Variants in CD86 observed in about 807,000 individuals in gnomAD.
CD86 encodes CD86 molecule.
CD86 carries 11 observed loss-of-function variants against 32.1 expected under a neutral mutation model. That is an observed-to-expected ratio of 0.34 (90% confidence interval 0.22 to 0.57). CD86 has a LOEUF of 0.57. CD86 is among the 20% of genes least tolerant of loss of function. The probability of loss-of-function intolerance (pLI) is 0.86; values close to 1 mark genes in which losing one functional copy is unlikely to be tolerated. For missense variants in CD86, 359 were observed against 398.4 expected, an observed-to-expected ratio of 0.90 and a Z score of 0.84; for synonymous variants, 137 against 135.3, an observed-to-expected ratio of 1.01 and a Z score of -0.09.
At chr3:122,068,478 T>C (rs759663063) in intron 1 of CD86, among the ~76,000 whole-genome samples, 1 of 152,226 alleles carries the variant, frequency 6.6e-6, no homozygotes, top group African/African-American at 2.4e-5. Flanking sequence ...AAATGACAGT[T>C]TCTCAGAATA....
At chr3:122,110,432 G>C (rs111598979) in intron 5 of CD86, among the ~76,000 whole-genome samples, 8,789 of 152,278 alleles carry the variant, frequency 0.058, 309 homozygotes, top group South Asian at 0.09. Context: ...TAATTAGTTT[G>C]ATTGGTGCTA....
intron 1 of CD86, among the ~76,000 whole-genome samples, chr3:122,080,870 A>G (rs1401154583): frequency 2.6e-5 from 4 of 152,176 alleles, no homozygotes; most frequent in Non-Finnish European, 4.4e-5. Flanking sequence ...GACACCAAGA[A>G]GTGTTCATGT....
At chr3:122,114,990 T>C (rs1011146084) in intron 5 of CD86, among the ~76,000 whole-genome samples, 2 of 152,246 alleles carry the variant, frequency 1.3e-5, no homozygotes, top group Admixed American at 1.3e-4. Flanking sequence ...TCTCTACTTT[T>C]GTTCCACATT....
intron 1 of CD86, among the ~76,000 whole-genome samples, chr3:122,058,625 T>G (rs1281641639): frequency 6.6e-6 from 1 of 151,046 alleles, no homozygotes; most frequent in Admixed American, 6.6e-5. Flanking sequence ...TAATGGGGAG[T>G]AATAATAGAG....
intron 1 of CD86, among the ~76,000 whole-genome samples, chr3:122,064,635 T>C (rs1381500639): frequency 2.6e-5 from 4 of 152,182 alleles, no homozygotes; most frequent in Non-Finnish European, 4.4e-5. Context: ...CCAAGTCTTA[T>C]ATTTCAAGAG....
Position 122,088,580 on chromosome 3 carries a change from A to AGAGTATGG in CD86, c.15-3018_15-3011dup, listed in dbSNP as rs2072763033. On this transcript the variant is annotated intron_variant, in intron 1 of 6. Coordinates refer to ENST00000330540, the MANE Select transcript of CD86 (RefSeq NM_175862.5). ...GCCAAAGCTGACACCACACAAGCGC[A>AGAGTATGG]GAGTATGGGAACAGAGTTCTCTGTC... Among the ~76,000 whole-genome samples the AGAGTATGG allele has an allele frequency of 2.0e-5, 3 of 152,302 alleles. No individual in the cohort carries two copies. In the South Asian group the frequency reaches 6.2e-4, roughly 32 times the overall value.
At chr3:122,102,147 C>T (rs1467510148) in intron 2 of CD86, among the ~76,000 whole-genome samples, 3 of 152,106 alleles carry the variant, frequency 2.0e-5, no homozygotes, top group Admixed American at 6.5e-5. Context: ...TCCTTCTATT[C>T]CCTCTTTCAA....
At chr3:122,106,835 C>A (rs111278301) in intron 4 of CD86, among the ~76,000 whole-genome samples, 2 of 136,880 alleles carry the variant, frequency 1.5e-5, no homozygotes, top group African/African-American at 2.7e-5. Context: ...CACATACATG[C>A]GCTTGCACAC....
chr3:122,075,493 G>A (rs1318151394), intron 1 of CD86, among the ~76,000 whole-genome samples: 3 of 152,082 alleles, frequency 2.0e-5, no homozygotes, highest in Admixed American at 2.0e-4. Flanking sequence ...AGTAGTTTGG[G>A]GATTATTTAT....
chr3:122,119,703 C>T lies in CD86; in HGVS notation c.*169C>T, dbSNP rs2107554556. ...TAGCCTCCCTGTAACTCCAGCTCTG[C>T]TCCGTATGCCAAGAGGAGACTTTAA... On this transcript the variant is annotated 3_prime_UTR_variant, in exon 7 of 7. Coordinates refer to ENST00000330540, the MANE Select transcript of CD86 (RefSeq NM_175862.5). 2 of 585,074 alleles carry T rather than the reference C, an allele frequency of 3.4e-6. No individual in the cohort carries two copies. The highest frequency in any genetic ancestry group is 6.1e-6 in the Non-Finnish European group (2 of 328,522). The allele number at this position is 585,074 out of a possible 1,614,324, so 36.2% of individuals were successfully genotyped here. A position where few individuals can be genotyped will look rare whatever the true frequency, so the allele number is the denominator to read the frequency against.
intron 2 of CD86, among the ~76,000 whole-genome samples, chr3:122,096,139 T>C (rs562442845): frequency 1.3e-5 from 2 of 152,296 alleles, no homozygotes; most frequent in East Asian, 3.9e-4. Flanking sequence ...TATCAAAGCT[T>C]ACTGCAGCCT....
intron 1 of CD86, among the ~76,000 whole-genome samples, chr3:122,066,134 TGGCTGAG>T (rs2107502926): frequency 6.6e-6 from 1 of 152,304 alleles, no homozygotes; most frequent in African/African-American, 2.4e-5. Context: ...CTTCAGGCAT[TGGCTGAG>T]GGTCCCAGTC....
intron 2 of CD86, among the ~76,000 whole-genome samples, chr3:122,093,672 C>T (rs1384807883): frequency 6.6e-6 from 1 of 152,162 alleles, no homozygotes; most frequent in Non-Finnish European, 1.5e-5. Flanking sequence ...TGAAATGTGG[C>T]TGTGCAATAC....
intron 1 of CD86, among the ~76,000 whole-genome samples, chr3:122,058,703 G>A (rs2072279314): frequency 6.6e-6 from 1 of 152,014 alleles, no homozygotes; most frequent in Admixed American, 6.6e-5. Flanking sequence ...CATCCTAAAG[G>A]AACAGCCTAA....
chr3:122,077,233 C>A (rs979787792), intron 1 of CD86, among the ~76,000 whole-genome samples: 2 of 152,168 alleles, frequency 1.3e-5, no homozygotes, highest in Non-Finnish European at 2.9e-5. Context: ...ACGAGTGAAA[C>A]CTGTCCCCGC....
intron 1 of CD86, among the ~76,000 whole-genome samples, chr3:122,059,494 C>A (rs1468603684): frequency 6.6e-6 from 1 of 150,854 alleles, no homozygotes; most frequent in East Asian, 1.9e-4. Context: ...TGAGATAGCA[C>A]CACGGCACTC....
intron 1 of CD86, among the ~76,000 whole-genome samples, chr3:122,061,935 A>G (rs1394729289): frequency 1.3e-5 from 2 of 152,178 alleles, no homozygotes; most frequent in African/African-American, 2.4e-5. Flanking sequence ...AAAACTGGGG[A>G]AAAAAGTCCC....
At position 122,110,336 on chromosome 3, in the gene CD86, A is replaced by G. The variant is rs145585359; in HGVS notation, c.847+928A>G. On this transcript the variant is annotated intron_variant, in intron 5 of 6. Transcript: ENST00000330540. ...GTTTCATGGGGACAAAGTGGTCCCT[A>G]ACTTTATAATAATGCCATGCCTTTT... Among the ~76,000 whole-genome samples the G allele has an allele frequency of 4.2e-4, 64 of 152,318 alleles. No individual in the cohort carries two copies. In the East Asian group the frequency reaches 0.011, roughly 26 times the overall value.
chr3:122,056,708 G>C (rs2072243687), intron 1 of CD86, among the ~76,000 whole-genome samples: 1 of 152,174 alleles, frequency 6.6e-6, no homozygotes, highest in Non-Finnish European at 1.5e-5. Flanking sequence ...ACTGGTTTGA[G>C]AAAAAGCTTT....
Sources: allele counts gnomAD v4.1 joint callset (sites outside exome capture counted in the v4.1 genomes callset), GRCh38; gene constraint gnomAD v4.1.1; transcripts MANE v1.5; gene names NCBI Gene and HGNC (gene_info 2026-07-23, HGNC 2026-07-21).